Variants in NRG3 observed in about 807,000 individuals in gnomAD.
The protein encoded by NRG3 is neuregulin 3.
A neutral mutation model predicts 66.9 loss-of-function variants in NRG3; 31 were observed. The ratio of observed to expected loss-of-function variants is 0.46; its 90% CI spans 0.35 to 0.63. NRG3 has a LOEUF of 0.63. Among genes scored for constraint, NRG3 ranks in the 20% least tolerant of loss-of-function variants. The probability of loss-of-function intolerance (pLI) is 0.00; values close to 1 mark genes in which losing one functional copy is unlikely to be tolerated. For synonymous variants in NRG3, 393 were observed against 359.4 expected (o/e 1.09, Z -1.06); for missense variants, 910 against 878.9 (o/e 1.04, Z -0.45).
intron 3 of NRG3, chr10:82,843,143 C>A: frequency 2.5e-6 from 1 of 401,134 alleles, no homozygotes; most frequent in Non-Finnish European, 5.1e-6. Context: ...GACTCTGAAA[C>A]ATGCTTATTG....
At chr10:82,338,503 A>G (rs376252118) in intron 1 of NRG3, among the ~76,000 whole-genome samples, 27 of 152,280 alleles carry the variant, frequency 1.8e-4, no homozygotes, top group African/African-American at 6.0e-4. Context: ...GACTTGCCTT[A>G]TTATCTGAAC....
chr10:82,368,833 G>A (rs2084704017), intron 2 of NRG3, among the ~76,000 whole-genome samples: 2 of 138,782 alleles, frequency 1.4e-5, no homozygotes, highest in African/African-American at 6.7e-5. Context: ...AATGTGAACA[G>A]TAACCTTGGT....
chr10:82,074,091 C>T (rs1590007146), intron 1 of NRG3, among the ~76,000 whole-genome samples: 1 of 150,830 alleles, frequency 6.6e-6, no homozygotes, highest in African/African-American at 2.4e-5. Context: ...AAAAAAACAG[C>T]AGGGTTTGGG....
chr10:82,950,044 T>A (rs1351009318), intron 4 of NRG3, among the ~76,000 whole-genome samples: 2 of 152,124 alleles, frequency 1.3e-5, no homozygotes, highest in Admixed American at 6.5e-5. Flanking sequence ...AGCATCAGAA[T>A]CACCTGGGAA....
At chr10:82,482,739 G>T (rs1228989050) in intron 2 of NRG3, among the ~76,000 whole-genome samples, 1 of 152,172 alleles carries the variant, frequency 6.6e-6, no homozygotes, top group Non-Finnish European at 1.5e-5. Context: ...AGTTTAGGAA[G>T]CACAGGGATA....
intron 2 of NRG3, among the ~76,000 whole-genome samples, chr10:82,574,097 A>G (rs2045899814): frequency 6.6e-6 from 1 of 151,848 alleles, no homozygotes; most frequent in Admixed American, 6.6e-5. Flanking sequence ...TGTTTATGGC[A>G]GCACTATTCA....
intron 2 of NRG3, among the ~76,000 whole-genome samples, chr10:82,680,883 C>T (rs1458296840): frequency 6.6e-6 from 1 of 152,184 alleles, no homozygotes; most frequent in Non-Finnish European, 1.5e-5. Flanking sequence ...CCTGAAAGCT[C>T]CTTGCCAAGG....
At chr10:81,896,927 G>A (rs528984194) in intron 1 of NRG3, among the ~76,000 whole-genome samples, 11 of 152,234 alleles carry the variant, frequency 7.2e-5, no homozygotes, top group East Asian at 3.9e-4. Context: ...TTACATTCCC[G>A]TGGAGAAGTT....
intron 3 of NRG3, among the ~76,000 whole-genome samples, chr10:82,753,518 C>G (rs750707128): frequency 1.3e-5 from 2 of 151,954 alleles, no homozygotes; most frequent in South Asian, 2.1e-4. Context: ...CCATGCATTC[C>G]TCTTTTCTCC....
Position 82,362,548 on chromosome 10 carries a change from G to GTTTTTTTTTTTTTTTTTTTTTT in NRG3, c.953+3701_953+3702insTTTTTTTTTTTTTTTTTTTTTT, listed in dbSNP as rs10694679. ...ACCACCATGCCCAGATAATTTCTGG[G>GTTTTTTTTTTTTTTTTTTTTTT]TTTTTTTTTTTTTTTTTTTTTCGTA... On this transcript the variant is annotated intron_variant, in intron 2 of 8. Transcript: ENST00000372141. 3.0e-4 allele frequency among the ~76,000 whole-genome samples: 25 copies of GTTTTTTTTTTTTTTTTTTTTTT among 83,196 alleles called. 4 individuals are homozygous for GTTTTTTTTTTTTTTTTTTTTTT. Among genetic ancestry groups the GTTTTTTTTTTTTTTTTTTTTTT allele is most frequent in the East Asian group, 7.5e-4 (2 of 2,658 alleles). The allele number at this position is 83,196 out of a possible 152,430, so 54.6% of individuals were successfully genotyped here.
At chr10:82,343,943 T>C (rs184668028) in intron 1 of NRG3, among the ~76,000 whole-genome samples, 1 of 152,288 alleles carries the variant, frequency 6.6e-6, no homozygotes, top group Admixed American at 6.5e-5. Context: ...ATATGACTTA[T>C]TAAATATTTT....
At chr10:82,921,472 T>G (rs1185529612) in intron 4 of NRG3, among the ~76,000 whole-genome samples, 1 of 152,194 alleles carries the variant, frequency 6.6e-6, no homozygotes, top group Admixed American at 6.5e-5. Flanking sequence ...TCAGTGTTGA[T>G]TCATTCATTG....
chr10:82,943,881 T>A (rs544603954), intron 4 of NRG3, among the ~76,000 whole-genome samples: 1 of 152,222 alleles, frequency 6.6e-6, no homozygotes, highest in Non-Finnish European at 1.5e-5. Flanking sequence ...GCTATATGCT[T>A]AAGAAACCTT....
intron 3 of NRG3, among the ~76,000 whole-genome samples, chr10:82,772,536 CT>C (rs892194532): frequency 3.3e-5 from 5 of 151,526 alleles, no homozygotes; most frequent in East Asian, 1.9e-4. Flanking sequence ...TATTTGTCAT[CT>C]TTTTTTTCCA....
chr10:82,848,864 G>A (rs1463848742), intron 3 of NRG3, among the ~76,000 whole-genome samples: 8 of 152,100 alleles, frequency 5.3e-5, no homozygotes, highest in African/African-American at 1.4e-4. Flanking sequence ...CTTGCCTGCC[G>A]CCATGTAAGA....
chr10:82,730,347 G>C (rs566030890), intron 2 of NRG3, among the ~76,000 whole-genome samples: 1 of 152,030 alleles, frequency 6.6e-6, no homozygotes, highest in East Asian at 1.9e-4. Context: ...GCCTCCCAAA[G>C]TTCTGGGATT....
intron 1 of NRG3, among the ~76,000 whole-genome samples, chr10:82,128,764 C>A (rs1054473940): frequency 6.6e-6 from 1 of 150,750 alleles, no homozygotes; most frequent in Non-Finnish European, 1.5e-5. Flanking sequence ...TTTTTTTGTT[C>A]ACTTCAATTA....
chr10:82,222,107 C>A (rs1279375629), intron 1 of NRG3, among the ~76,000 whole-genome samples: 2 of 152,004 alleles, frequency 1.3e-5, no homozygotes, highest in Non-Finnish European at 2.9e-5. Flanking sequence ...ATTTGTGTCA[C>A]ATAAATCATG....
At chr10:82,266,699 A>G (rs1042742159) in intron 1 of NRG3, among the ~76,000 whole-genome samples, 1 of 152,168 alleles carries the variant, frequency 6.6e-6, no homozygotes, top group African/African-American at 2.4e-5. Flanking sequence ...GCAACATCAG[A>G]TCTTCAGCTG....
Sources: allele counts gnomAD v4.1 joint callset (sites outside exome capture counted in the v4.1 genomes callset), GRCh38; gene constraint gnomAD v4.1.1; transcripts MANE v1.5; gene names NCBI Gene and HGNC (gene_info 2026-07-23, HGNC 2026-07-21).